Variants in ASTN2 observed in about 807,000 individuals in gnomAD.
ASTN2 encodes the protein astrotactin-2.
In ASTN2, 54 loss-of-function variants were observed where a neutral mutation model predicts 139.8. The ratio of observed to expected loss-of-function variants is 0.39; its 90% CI spans 0.31 to 0.48. The LOEUF is 0.48. ASTN2 is among the 20% of genes least tolerant of loss of function. The probability of loss-of-function intolerance (pLI) is 0.95; values close to 1 mark genes in which losing one functional copy is unlikely to be tolerated. For synonymous variants in ASTN2, 756 were observed against 719.5 expected (o/e 1.05, Z -0.81); for missense variants, 1,565 against 1,725.1 (o/e 0.91, Z 1.64).
chr9:116,603,310 T>C (rs550342969), intron 19 of ASTN2, among the ~76,000 whole-genome samples: 1 of 152,320 alleles, frequency 6.6e-6, no homozygotes, highest in Non-Finnish European at 1.5e-5. Context: ...GTGGGAGATC[T>C]ATAAACTGAC....
At chr9:116,432,931 G>GGGAA (rs916411736) in intron 22 of ASTN2, among the ~76,000 whole-genome samples, 2 of 149,342 alleles carry the variant, frequency 1.3e-5, no homozygotes, top group Non-Finnish European at 2.9e-5. Flanking sequence ...CTCCATCTTG[G>GGGAA]GGAAGGAAGG....
At chr9:116,622,648 A>G (rs1254063736) in intron 17 of ASTN2, among the ~76,000 whole-genome samples, 2 of 152,250 alleles carry the variant, frequency 1.3e-5, no homozygotes, top group Admixed American at 6.5e-5. Flanking sequence ...TTTTCTGTTC[A>G]ACAATTCTGA....
Position 116,698,257 on chromosome 9 carries a change from G to C in ASTN2, c.2806+27514C>G. 2 of 1,614,188 alleles carry C rather than the reference G, an allele frequency of 1.2e-6. No individual in the cohort carries two copies. Among genetic ancestry groups the C allele is most frequent in the Non-Finnish European group, 8.5e-7 (1 of 1,180,038 alleles). On this transcript the variant is annotated intron_variant, in intron 16 of 22. Coordinates refer to ENST00000313400, the MANE Select transcript of ASTN2 (RefSeq NM_001365068.1). The surrounding 1 kb of genome is among the most constrained non-coding windows in gnomAD (Gnocchi z 4.4). ...CAGCGGCGGAAGGCAGCCTTGGAAG[G>C]TGTCTCCAAGGACCTTCAGGCAAGG...
At chr9:117,213,631 C>CA (rs1393419164) in intron 3 of ASTN2, among the ~76,000 whole-genome samples, 1 of 151,984 alleles carries the variant, frequency 6.6e-6, no homozygotes, top group African/African-American at 2.4e-5. Flanking sequence ...ATAACTGTAA[C>CA]AAACAAATGG....
At chr9:117,210,117 A>G (rs1183684424) in intron 3 of ASTN2, among the ~76,000 whole-genome samples, 1 of 152,162 alleles carries the variant, frequency 6.6e-6, no homozygotes, top group East Asian at 1.9e-4. Context: ...AAAGATTTCA[A>G]ATCAATAACC....
rs1485992507 is a variant in ASTN2, at chr9:117,063,533, G to A, written c.1277-23568C>T. On this transcript the variant is annotated intron_variant, in intron 5 of 22. Coordinates refer to ENST00000313400, the MANE Select transcript of ASTN2 (RefSeq NM_001365068.1). ...TTTCACCTTCCACCATGACTGTGAG[G>A]CCTCCCCAGCCACATGGAACTGTAA... Among the ~76,000 whole-genome samples, 3 of 152,248 alleles carry A rather than the reference G, an allele frequency of 2.0e-5. No individual in the cohort carries two copies. The East Asian group carries it at 5.8e-4, about 29-fold the overall frequency.
chr9:116,502,371 T>C (rs1466288595), intron 19 of ASTN2, among the ~76,000 whole-genome samples: 2 of 149,046 alleles, frequency 1.3e-5, no homozygotes, highest in Non-Finnish European at 3.0e-5. Context: ...AAGAGAGAAC[T>C]ACAGCCAGAA....
At chr9:117,038,512 T>G (rs2132645651) in intron 6 of ASTN2, among the ~76,000 whole-genome samples, 1 of 152,146 alleles carries the variant, frequency 6.6e-6, no homozygotes, top group East Asian at 1.9e-4. Flanking sequence ...AGAAGACACT[T>G]TTAGAGGTGA....
chr9:116,452,299 G>T (rs1160370487), intron 20 of ASTN2, among the ~76,000 whole-genome samples: 3 of 152,154 alleles, frequency 2.0e-5, no homozygotes, highest in Non-Finnish European at 4.4e-5. Context: ...TTCAGTTATA[G>T]AAATGACTTT....
chr9:117,229,591 T>G (rs1832826046), intron 2 of ASTN2, among the ~76,000 whole-genome samples: 1 of 152,216 alleles, frequency 6.6e-6, no homozygotes, highest in Non-Finnish European at 1.5e-5. Context: ...AGATGAGGTC[T>G]GGAAGAGCCT....
At chr9:116,577,865 A>AG (rs948820617) in intron 19 of ASTN2, among the ~76,000 whole-genome samples, 7 of 152,072 alleles carry the variant, frequency 4.6e-5, no homozygotes, top group Non-Finnish European at 7.4e-5. Context: ...TCTCAGGTTG[A>AG]GGTAGAAGGG....
chr9:116,703,729 TAAAAA>T (rs33973593), intron 16 of ASTN2, among the ~76,000 whole-genome samples: 1 of 145,756 alleles, frequency 6.9e-6, no homozygotes, highest in African/African-American at 2.6e-5. Context: ...AGTATAATAA[TAAAAA>T]AAAAAAAAGT....
At chr9:116,569,958 T>C (rs1357755984) in intron 19 of ASTN2, among the ~76,000 whole-genome samples, 2 of 152,234 alleles carry the variant, frequency 1.3e-5, no homozygotes, top group South Asian at 2.1e-4. Flanking sequence ...GCTTTGACTG[T>C]CTGTCTCCTG....
At chr9:117,297,304 G>A (rs184681813) in intron 1 of ASTN2, among the ~76,000 whole-genome samples, 21 of 152,348 alleles carry the variant, frequency 1.4e-4, no homozygotes, top group Non-Finnish European at 2.8e-4. Flanking sequence ...AAAGAGTTGG[G>A]AAAGGTAGTG....
intron 1 of ASTN2, among the ~76,000 whole-genome samples, chr9:117,309,481 G>A (rs1481171201): frequency 6.6e-6 from 1 of 152,138 alleles, no homozygotes; most frequent in Non-Finnish European, 1.5e-5. Flanking sequence ...GGCAGGCCAT[G>A]CGTTTTTAAG....
At chr9:116,557,092 C>T (rs952911417) in intron 19 of ASTN2, among the ~76,000 whole-genome samples, 6 of 151,398 alleles carry the variant, frequency 4.0e-5, no homozygotes, top group African/African-American at 9.7e-5. Flanking sequence ...GGCGTGGTGG[C>T]GGGTGCCTGT....
intron 2 of ASTN2, among the ~76,000 whole-genome samples, chr9:117,222,300 G>A (rs1832549871): frequency 6.6e-6 from 1 of 152,270 alleles, no homozygotes; most frequent in Admixed American, 6.5e-5. Flanking sequence ...CTTCAAATGT[G>A]TGCTTTGGCC....
At chr9:116,898,033 T>C (rs1416131403) in intron 10 of ASTN2, among the ~76,000 whole-genome samples, 1 of 152,136 alleles carries the variant, frequency 6.6e-6, no homozygotes, top group African/African-American at 2.4e-5. Context: ...AATTGATTCA[T>C]GCATTTTTAA....
At chr9:117,001,779 G>A (rs1009612920) in intron 7 of ASTN2, among the ~76,000 whole-genome samples, 2 of 152,104 alleles carry the variant, frequency 1.3e-5, no homozygotes, top group African/African-American at 4.8e-5. Context: ...CTTCAGGCAT[G>A]GGGCACTTTG....
Sources: allele counts gnomAD v4.1 joint callset (sites outside exome capture counted in the v4.1 genomes callset), GRCh38; gene constraint gnomAD v4.1.1; non-coding constraint Gnocchi (gnomAD v3.1); transcripts MANE v1.5; gene names NCBI Gene and HGNC (gene_info 2026-07-23, HGNC 2026-07-21).